Variants in FTO observed in about 807,000 individuals in gnomAD.
The protein encoded by FTO is alpha-ketoglutarate-dependent dioxygenase FTO.
In FTO, 47 loss-of-function variants were observed where a neutral mutation model predicts 63.9. That is an observed-to-expected ratio of 0.74 (90% CI 0.58 to 0.94). FTO has a LOEUF of 0.94. Ranked by LOEUF, FTO falls within the 40% of genes least tolerant of loss-of-function variation. The pLI is 0.00. For synonymous variants in FTO, 207 were observed against 224.4 expected (o/e 0.92, Z 0.69); for missense variants, 562 against 618.1 (o/e 0.91, Z 0.96).
At chr16:53,716,329 T>G (rs1280762008) in intron 1 of FTO, among the ~76,000 whole-genome samples, 1 of 152,186 alleles carries the variant, frequency 6.6e-6, no homozygotes, top group African/African-American at 2.4e-5. Context: ...GAGATAGTGC[T>G]TATGTTGTTT....
At chr16:53,724,589 G>A (rs2076110284) in intron 1 of FTO, among the ~76,000 whole-genome samples, 1 of 152,218 alleles carries the variant, frequency 6.6e-6, no homozygotes, top group South Asian at 2.1e-4. Context: ...CCTCTTGAAT[G>A]TTCATGGGAA....
At chr16:53,954,229 G>C (rs1422663555) in intron 8 of FTO, among the ~76,000 whole-genome samples, 1 of 152,234 alleles carries the variant, frequency 6.6e-6, no homozygotes, top group African/African-American at 2.4e-5. Flanking sequence ...GAGTTAGTAA[G>C]AGTTGTTGAA....
At chr16:53,985,904 G>A (rs1361809061) in intron 8 of FTO, among the ~76,000 whole-genome samples, 1 of 152,220 alleles carries the variant, frequency 6.6e-6, no homozygotes, top group African/African-American at 2.4e-5. Context: ...CTTAAAGAGT[G>A]TAACCACTAG....
At chr16:53,717,035 A>G (rs2075910825) in intron 1 of FTO, among the ~76,000 whole-genome samples, 2 of 151,894 alleles carry the variant, frequency 1.3e-5, no homozygotes, top group East Asian at 1.9e-4. Context: ...TTTTTTTCAT[A>G]TAATTCCAAT....
At chr16:54,010,670 A>G (rs1316451675) in intron 8 of FTO, among the ~76,000 whole-genome samples, 1 of 152,154 alleles carries the variant, frequency 6.6e-6, no homozygotes, top group East Asian at 1.9e-4. Context: ...GCAATTTAGG[A>G]CAATGAGAGT....
intron 7 of FTO, among the ~76,000 whole-genome samples, chr16:53,912,197 A>G (rs1458431280): frequency 6.6e-6 from 1 of 152,064 alleles, no homozygotes; most frequent in African/African-American, 2.4e-5. Context: ...TGTTCAATTT[A>G]GAGTAAAACC....
intron 8 of FTO, among the ~76,000 whole-genome samples, chr16:54,084,301 C>T (rs2086213363): frequency 6.6e-6 from 1 of 152,160 alleles, no homozygotes; most frequent in Non-Finnish European, 1.5e-5. Context: ...AAATGTTACT[C>T]CCCTTCCTTT....
At chr16:53,745,479 C>T (rs1598551406) in intron 1 of FTO, among the ~76,000 whole-genome samples, 1 of 152,154 alleles carries the variant, frequency 6.6e-6, no homozygotes, top group South Asian at 2.1e-4. Context: ...GAATTCAGCT[C>T]CACTGTGATT....
At chr16:53,732,489 A>C (rs2076295690) in intron 1 of FTO, among the ~76,000 whole-genome samples, 1 of 152,210 alleles carries the variant, frequency 6.6e-6, no homozygotes, top group Non-Finnish European at 1.5e-5. Context: ...ATGTGGTATC[A>C]AGTCACTTTC....
intron 8 of FTO, among the ~76,000 whole-genome samples, chr16:54,111,422 C>T (rs1397879630): frequency 6.6e-6 from 1 of 152,150 alleles, no homozygotes; most frequent in Non-Finnish European, 1.5e-5. Flanking sequence ...CTGATAATGG[C>T]TTAATCACAC....
At chr16:53,922,555 A>G in intron 7 of FTO, among the ~76,000 whole-genome samples, 1 of 152,244 alleles carries the variant, frequency 6.6e-6, no homozygotes, top group East Asian at 1.9e-4. Flanking sequence ...GACAAAGGAA[A>G]CTACTGATGG....
chr16:53,959,369 A>G (rs2083011645), intron 8 of FTO, among the ~76,000 whole-genome samples: 1 of 152,178 alleles, frequency 6.6e-6, no homozygotes, highest in African/African-American at 2.4e-5. Flanking sequence ...TTCTCAGGTG[A>G]TGTGGATGCC....
intron 8 of FTO, among the ~76,000 whole-genome samples, chr16:53,956,339 G>T (rs894535707): frequency 2.6e-5 from 4 of 152,146 alleles, no homozygotes; most frequent in Non-Finnish European, 4.4e-5. Flanking sequence ...AGGGCTGTGG[G>T]GAGGAAAGAG....
chr16:53,839,511 G>A (rs2079401223), intron 3 of FTO, among the ~76,000 whole-genome samples: 1 of 152,132 alleles, frequency 6.6e-6, no homozygotes, highest in East Asian at 1.9e-4. Flanking sequence ...TCATTTTACT[G>A]AGCAGATTTC....
chr16:53,777,075 T>C (rs2151645757), intron 1 of FTO, among the ~76,000 whole-genome samples: 1 of 152,352 alleles, frequency 6.6e-6, no homozygotes, highest in African/African-American at 2.4e-5. Flanking sequence ...GTGGTGAGAA[T>C]ACTTAAAATC....
chr16:54,078,084 A>G (rs1354481023), intron 8 of FTO, among the ~76,000 whole-genome samples: 4 of 152,066 alleles, frequency 2.6e-5, no homozygotes, highest in African/African-American at 9.7e-5. Context: ...TCTGCTTTTT[A>G]TTATCCCCTT....
intron 8 of FTO, among the ~76,000 whole-genome samples, chr16:54,017,503 G>A (rs2084478710): frequency 6.6e-6 from 1 of 152,152 alleles, no homozygotes; most frequent in African/African-American, 2.4e-5. Flanking sequence ...CCCCCACCTT[G>A]CACTCTTAGG....
At chr16:53,889,728 G>A (rs1049456025) in intron 7 of FTO, among the ~76,000 whole-genome samples, 5 of 152,062 alleles carry the variant, frequency 3.3e-5, no homozygotes, top group African/African-American at 7.2e-5. Flanking sequence ...CAGAAGTCAG[G>A]TGTGACCAGA....
intron 2 of FTO, among the ~76,000 whole-genome samples, chr16:53,812,861 A>G (rs2151742855): frequency 6.6e-6 from 1 of 152,298 alleles, no homozygotes; most frequent in Non-Finnish European, 1.5e-5. Flanking sequence ...AATCAGGGAA[A>G]AAATAATTTT....
Sources: allele counts gnomAD v4.1 joint callset (sites outside exome capture counted in the v4.1 genomes callset), GRCh38; gene constraint gnomAD v4.1.1; transcripts MANE v1.5; gene names NCBI Gene and HGNC (gene_info 2026-07-23, HGNC 2026-07-21).